The following EHBP1 variants were observed in gnomAD, a reference collection of about 807,000 sequenced individuals.
EHBP1 encodes EH domain-binding protein 1.
Under a neutral mutation model 144.0 loss-of-function variants are expected in EHBP1, and 55 were observed. That is an observed-to-expected ratio of 0.38 (90% CI 0.31 to 0.48). The LOEUF is 0.48. Among genes scored for constraint, EHBP1 ranks in the 20% least tolerant of loss-of-function variants. The pLI, the probability that EHBP1 is intolerant of heterozygous loss-of-function variation, is 0.98. For missense variants in EHBP1, 1,200 were observed against 1,364.2 expected, an observed-to-expected ratio of 0.88 and a Z score of 1.90; for synonymous variants, 469 against 472.7, an observed-to-expected ratio of 0.99 and a Z score of 0.10.
chr2:62,675,550 T>A (rs1353192639), intron 1 of EHBP1, among the ~76,000 whole-genome samples: 5 of 152,086 alleles, frequency 3.3e-5, no homozygotes, highest in African/African-American at 1.2e-4. Context: ...AGCCAAATAG[T>A]GTGTTTCCAT....
intron 1 of EHBP1, among the ~76,000 whole-genome samples, chr2:62,688,789 AAACCAAAC>A (rs780369782): frequency 1.2e-3 from 186 of 152,338 alleles, no homozygotes; most frequent in Middle Eastern, 0.01. Context: ...AAAGCATAAG[AAACCAAAC>A]ACTTCTGAAA....
intron 7 of EHBP1, among the ~76,000 whole-genome samples, chr2:62,847,268 G>A (rs753733828): frequency 7.4e-4 from 112 of 152,152 alleles, no homozygotes; most frequent in Non-Finnish European, 1.4e-3. Flanking sequence ...TGGAAAAAAT[G>A]AACCTCAACC....
Position 62,675,859 on chromosome 2 carries a change from C to T in EHBP1, c.-296+1776C>T, listed in dbSNP as rs535743511. On this transcript the variant is annotated intron_variant, in intron 1 of 22. Transcript: ENST00000405015. ...CCTCCACCTCCTGGCCTCAAGCGGT[C>T]CTCCCACTTAAGCTTCCCAAGTATC... 5.3e-5 allele frequency among the ~76,000 whole-genome samples: 8 copies of T among 152,290 alleles called. No individual in the cohort carries two copies. In the East Asian group the frequency reaches 1.2e-3, roughly 22 times the overall value.
chr2:62,942,473 G>T (rs1032405060), intron 10 of EHBP1, among the ~76,000 whole-genome samples: 3 of 152,186 alleles, frequency 2.0e-5, no homozygotes, highest in Non-Finnish European at 2.9e-5. Flanking sequence ...CTCTTGGCCT[G>T]TTCTTATGTA....
intron 9 of EHBP1, among the ~76,000 whole-genome samples, chr2:62,868,261 C>G (rs1351858400): frequency 6.6e-6 from 1 of 152,090 alleles, no homozygotes; most frequent in Non-Finnish European, 1.5e-5. Context: ...CACCTGTAAT[C>G]CAAGCTACTT....
At chr2:62,704,618 A>G (rs997827229), upstream of EHBP1, among the ~76,000 whole-genome samples, 1 of 151,498 alleles carries the variant, frequency 6.6e-6, no homozygotes, top group African/African-American at 2.4e-5. Context: ...TGATGCGCCT[A>G]CTTCTCTGAT....
chr2:62,763,251 C>T (rs948582149), intron 3 of EHBP1, among the ~76,000 whole-genome samples: 1 of 152,054 alleles, frequency 6.6e-6, no homozygotes, highest in Non-Finnish European at 1.5e-5. Flanking sequence ...CTTACCTCTA[C>T]CTAACATATT....
chr2:62,705,490 CT>C (rs149559069), upstream of EHBP1, among the ~76,000 whole-genome samples: 38 of 148,130 alleles, frequency 2.6e-4, no homozygotes, highest in Admixed American at 4.7e-4. Flanking sequence ...TCGGTTCCTT[CT>C]TTTTTTTTTT....
chr2:62,689,151 C>T (rs555194544), intron 1 of EHBP1, among the ~76,000 whole-genome samples: 2 of 152,100 alleles, frequency 1.3e-5, no homozygotes, highest in Non-Finnish European at 2.9e-5. Context: ...ATCAAAGTGC[C>T]TTTAAATGCA....
intron 5 of EHBP1, among the ~76,000 whole-genome samples, chr2:62,801,268 C>T (rs1256657292): frequency 4.6e-5 from 7 of 152,184 alleles, no homozygotes; most frequent in Non-Finnish European, 8.8e-5. Flanking sequence ...TACTTGTGGT[C>T]GCTGCTTCTG....
chr2:62,813,112 G>A (rs529427273), intron 5 of EHBP1, among the ~76,000 whole-genome samples: 2 of 152,208 alleles, frequency 1.3e-5, no homozygotes, highest in African/African-American at 2.4e-5. Context: ...GGGGATGGGC[G>A]TGGGGTGGCC....
At chr2:62,714,389 A>G (rs2035464238) in intron 2 of EHBP1, among the ~76,000 whole-genome samples, 1 of 152,214 alleles carries the variant, frequency 6.6e-6, no homozygotes, top group African/African-American at 2.4e-5. Flanking sequence ...CTACATAAGT[A>G]ACAGAGAAGA....
At chr2:62,798,274 A>G (rs1478948148) in intron 5 of EHBP1, among the ~76,000 whole-genome samples, 1 of 152,164 alleles carries the variant, frequency 6.6e-6, no homozygotes, top group African/African-American at 2.4e-5. Flanking sequence ...AGGCTGAAGC[A>G]CGAGAATCGC....
intron 3 of EHBP1, among the ~76,000 whole-genome samples, chr2:62,748,893 C>A (rs567109193): frequency 3.9e-5 from 6 of 152,126 alleles, no homozygotes; most frequent in Admixed American, 3.9e-4. Flanking sequence ...ATACACAGAT[C>A]TTAATTTTAT....
chr2:62,745,980 A>G (rs1028729912), intron 2 of EHBP1, among the ~76,000 whole-genome samples: 21 of 152,112 alleles, frequency 1.4e-4, no homozygotes, highest in African/African-American at 5.1e-4. Flanking sequence ...ATTTCTATAA[A>G]AGTACTGTCG....
At chr2:62,944,710 A>C (rs1461990155) in intron 12 of EHBP1, among the ~76,000 whole-genome samples, 1 of 152,196 alleles carries the variant, frequency 6.6e-6, no homozygotes, top group Non-Finnish European at 1.5e-5. Context: ...CTTTCAGGGC[A>C]TCTGTGTAAG....
chr2:62,841,764 CCTTT>C (rs1558773767), intron 7 of EHBP1, among the ~76,000 whole-genome samples: 1 of 150,956 alleles, frequency 6.6e-6, no homozygotes, highest in African/African-American at 2.4e-5. Context: ...CTTTCTCTTT[CCTTT>C]CTTTCTTATT....
At chr2:62,998,258 T>C (rs1230101676) in intron 19 of EHBP1, among the ~76,000 whole-genome samples, 1 of 152,162 alleles carries the variant, frequency 6.6e-6, no homozygotes, top group African/African-American at 2.4e-5. Flanking sequence ...CTCAGTCTTA[T>C]ACCTATATAC....
At chr2:62,772,442 C>G (rs1426653439) in intron 5 of EHBP1, among the ~76,000 whole-genome samples, 2 of 152,150 alleles carry the variant, frequency 1.3e-5, no homozygotes, top group Non-Finnish European at 2.9e-5. Flanking sequence ...GCTTGGAATT[C>G]TTGGAAAATC....
Sources: gnomAD v4.1 joint callset for allele counts (sites outside exome capture counted in the v4.1 genomes callset) on GRCh38, gnomAD v4.1.1 for gene constraint, MANE v1.5 for transcripts, NCBI Gene and HGNC (gene_info 2026-07-23, HGNC 2026-07-21) for gene names.